The following RBP7 variants were observed in gnomAD, a reference collection of about 807,000 sequenced individuals.
RBP7 encodes retinol binding protein 7.
In RBP7, 13 loss-of-function variants were observed where a neutral mutation model predicts 16.7. The observed-to-expected ratio is 0.78, with a 90% CI of 0.51 to 1.24. The LOEUF (loss-of-function observed/expected upper bound fraction) is 1.24. Ranked by LOEUF, RBP7 falls within the 50% of genes most tolerant of loss-of-function variation. RBP7 has a pLI of 0.00. For missense variants in RBP7, 145 were observed against 159.5 expected (o/e 0.91, Z 0.49); for synonymous variants, 54 against 56.2 (o/e 0.96, Z 0.17).
chr1:10,012,776 A>G (rs954757262), intron 3 of RBP7, among the ~76,000 whole-genome samples: 18 of 151,986 alleles, frequency 1.2e-4, no homozygotes, highest in Admixed American at 1.2e-3. Context: ...TCTATTAAAA[A>G]TACAAAAATT....
chr1:10,007,476 A>G (rs1642479406), intron 1 of RBP7, 94 bp from the exon 2 acceptor site: 2 of 905,732 alleles, frequency 2.2e-6, no homozygotes, highest in South Asian at 3.6e-5. Flanking sequence ...GGAAATGCTA[A>G]CAATTACATG....
rs559839068 is a variant in RBP7 at position 10,008,703 on chromosome 1, T to G, written c.354+429T>G. Reference sequence around the variant, plus strand: ...ATCCACCCGCCTCGGCCTCCCAAAGTGCTGGGATTACAGGCATGAGCCACC... The same window carrying G: ...ATCCACCCGCCTCGGCCTCCCAAAGGGCTGGGATTACAGGCATGAGCCACC... On this transcript the variant is annotated intron_variant, in intron 3 of 3. Coordinates refer to ENST00000294435, the MANE Select transcript of RBP7 (RefSeq NM_052960.3). Among the ~76,000 whole-genome samples, 8 of 151,852 alleles carry G rather than the reference T, an allele frequency of 5.3e-5. 1 individual carries two copies. In the East Asian group the frequency reaches 1.6e-3, roughly 30 times the overall value.
intron 3 of RBP7, among the ~76,000 whole-genome samples, chr1:10,013,009 C>T (rs1439760308): frequency 2.0e-5 from 3 of 150,524 alleles, no homozygotes; most frequent in African/African-American, 4.9e-5. Flanking sequence ...TGGAAATCTG[C>T]CCATGCAGGG....
intron 3 of RBP7, among the ~76,000 whole-genome samples, chr1:10,012,174 G>T (rs1351564530): frequency 7.0e-6 from 1 of 142,766 alleles, no homozygotes; most frequent in Admixed American, 7.6e-5. Flanking sequence ...TTGCACCATT[G>T]CACTCCAGCC....
At chr1:10,015,709 A>G in intron 3 of RBP7, 73 bp from the exon 4 acceptor site, 1 of 1,277,330 alleles carries the variant, frequency 7.8e-7, no homozygotes, top group Non-Finnish European at 1.1e-6. Flanking sequence ...ACACAATAAA[A>G]AATAAGTGTT....
chr1:10,004,607 G>T (rs1010080757), intron 1 of RBP7, among the ~76,000 whole-genome samples: 1 of 151,984 alleles, frequency 6.6e-6, no homozygotes, highest in Non-Finnish European at 1.5e-5. Flanking sequence ...TGGTCTGCCC[G>T]CCTCGGCCTC....
Position 9,997,717 on chromosome 1 carries a change from G to A in RBP7, c.73+386G>A, listed in dbSNP as rs1642198803. Among the ~76,000 whole-genome samples, 1 of 151,784 alleles carries A rather than the reference G, an allele frequency of 6.6e-6. No homozygotes were observed. Among genetic ancestry groups the A allele is most frequent in the Non-Finnish European group, 1.5e-5 (1 of 67,934 alleles). On this transcript the variant is annotated intron_variant, in intron 1 of 3. Coordinates refer to ENST00000294435, the MANE Select transcript of RBP7 (RefSeq NM_052960.3). The surrounding 1 kb of genome is among the most constrained non-coding windows in gnomAD (Gnocchi z 5.9). ...TGCAGACTCGGGGTCCGGCCGGGGA[G>A]GGGGGTCCGGCCGGGGAGGGGGCGC...
chr1:10,015,659 T>C, intron 3 of RBP7, 123 bp from the exon 4 acceptor site: 1 of 782,984 alleles, frequency 1.3e-6, no homozygotes, highest in East Asian at 2.7e-5. Flanking sequence ...TGAGACCCCA[T>C]CTCATAAAAG....
At chr1:10,002,234 AAAT>A (rs1030446552) in intron 1 of RBP7, among the ~76,000 whole-genome samples, 2 of 152,264 alleles carry the variant, frequency 1.3e-5, no homozygotes, top group Admixed American at 1.3e-4. Flanking sequence ...AAGCTTAGAT[AAAT>A]GTACGTTTGT....
chr1:10,012,032 G>A (rs769898330), intron 3 of RBP7, among the ~76,000 whole-genome samples: 4 of 151,648 alleles, frequency 2.6e-5, no homozygotes, highest in South Asian at 2.1e-4. Flanking sequence ...AGAAACTCCC[G>A]TCTCTACTAA....
Position 10,006,824 on chromosome 1 carries a change from A to T in RBP7, c.74-746A>T, listed in dbSNP as rs539081936. 5.3e-5 allele frequency: 17 copies of T among 320,336 alleles called. No individual in the cohort carries two copies. In the East Asian group the frequency reaches 1.8e-3, roughly 35 times the overall value. 19.8% of individuals were successfully genotyped at this position (320,336 alleles called of 1,614,324 possible). A position where few individuals can be genotyped will look rare whatever the true frequency, so the allele number is the denominator to read the frequency against. ...CCAGTGGTTTTTGAGTTTTGTTTTCATTCTTGTTGAGAAACTGTTCAAATG... is the reference window on the plus strand; with the variant it reads ...CCAGTGGTTTTTGAGTTTTGTTTTCTTTCTTGTTGAGAAACTGTTCAAATG... On this transcript the variant is annotated intron_variant, in intron 1 of 3. Transcript: ENST00000294435.
chr1:10,004,367 G>C (rs1381974280), intron 1 of RBP7: 2 of 150,962 alleles, frequency 1.3e-5, no homozygotes, highest in African/African-American at 4.9e-5. Context: ...ACTGCGCCCA[G>C]CCAGATTGAT....
intron 3 of RBP7, among the ~76,000 whole-genome samples, chr1:10,013,623 A>G (rs1642689264): frequency 6.6e-6 from 1 of 152,008 alleles, no homozygotes; most frequent in Admixed American, 6.6e-5. Flanking sequence ...AGCCTGGCTA[A>G]CATGGTGAAA....
chr1:9,997,393 G>C lies in RBP7; in HGVS notation c.73+62G>C. On this transcript the variant is annotated intron_variant, in intron 1 of 3. Transcript: ENST00000294435. This position sits in a 1 kb window ranked among gnomAD's most constrained non-coding sequence, Gnocchi z 5.9. ...GCCGTGGGTCTCGGGATCAGGCGAA[G>C]GCGGCCGGGCCGGGCCTGTAGGTAC... The C allele has an allele frequency of 2.0e-6, 3 of 1,537,244 alleles. No individual in the cohort carries two copies. The South Asian group carries it at 3.4e-5, about 17-fold the overall frequency.
rs1212966695 is a variant in RBP7, at chr1:10,006,764, T to TAGAG, written c.74-789_74-786dup. ...GTGTGTGTGTGTGTATATATATATA[T>TAGAG]AGAGAGAGAGAGAGAGAGAGGTATA... On this transcript the variant is annotated intron_variant, in intron 1 of 3. Transcript: ENST00000294435. Among the ~76,000 whole-genome samples, 651 of 141,506 alleles carry TAGAG rather than the reference T, an allele frequency of 4.6e-3. 8 individuals carry two copies. Among genetic ancestry groups the TAGAG allele is most frequent in the African/African-American group, 0.015 (562 of 36,540 alleles). 92.8% of individuals were successfully genotyped at this position (141,506 alleles called of 152,430 possible).
chr1:10,007,775 G>T (rs766737850), intron 2 of RBP7, 27 bp downstream of exon 2: 2 of 1,604,134 alleles, frequency 1.2e-6, no homozygotes, highest in Non-Finnish European at 8.5e-7. Context: ...TGCCAGGTGC[G>T]GTGGATTACG....
intron 1 of RBP7, among the ~76,000 whole-genome samples, chr1:10,005,327 T>G (rs1642410260): frequency 6.7e-6 from 1 of 150,370 alleles, no homozygotes; most frequent in African/African-American, 2.4e-5. Flanking sequence ...TTCTCCTGCC[T>G]CAGCCCGACC....
intron 3 of RBP7, among the ~76,000 whole-genome samples, chr1:10,015,265 C>T (rs180744379): frequency 6.6e-6 from 1 of 152,060 alleles, no homozygotes; most frequent in African/African-American, 2.4e-5. Flanking sequence ...CATGGTGAAA[C>T]CCCGTCGCTA....
chr1:10,007,736 CAG>C lies in RBP7; in HGVS notation c.242_243del (p.Arg81LysfsTer11). The C allele has an allele frequency of 6.2e-7, 1 of 1,610,930 alleles. No homozygotes were observed. The highest frequency in any genetic ancestry group is 1.1e-5 in the South Asian group (1 of 90,424). The stretch of plus-strand genomic sequence containing the variant: ...ATGAAGATAACAGAGGCCTGGACAA[CAG>C]AAAATGCAAGGTAAAATGTAAAGAA... Reference protein sequence around the residue: ...FDEDNRGLDNRKCKSLVIWDN... With the variant: ...FDEDNRGLDNXKCKSLVIWDN... On this transcript the variant is annotated frameshift_variant, in exon 2 of 4. Transcript: ENST00000294435. LOFTEE classifies it high-confidence loss of function.
Sources: gnomAD v4.1 joint callset for allele counts (sites outside exome capture counted in the v4.1 genomes callset) on GRCh38, gnomAD v4.1.1 for gene constraint, Gnocchi (gnomAD v3.1) non-coding constraint, MANE v1.5 for transcripts, NCBI Gene and HGNC (gene_info 2026-07-23, HGNC 2026-07-21) for gene names.